ST8SIA6: variants seen among roughly 807,000 people sequenced by gnomAD.
The protein encoded by ST8SIA6 is ST8 alpha-N-acetyl-neuraminide alpha-2,8-sialyltransferase 6, also known as alpha-2,8-sialyltransferase 8F.
In ST8SIA6, 39 loss-of-function variants were observed where a neutral mutation model predicts 33.6. The ratio of observed to expected loss-of-function variants is 1.16; its 90% CI spans 0.90 to 1.52. The LOEUF is 1.52. ST8SIA6 is among the 40% of genes most tolerant of loss of function. The pLI is 0.00. For missense variants in ST8SIA6, 441 were observed against 443.8 expected, an observed-to-expected ratio of 0.99 and a Z score of 0.06; for synonymous variants, 172 against 167.2, an observed-to-expected ratio of 1.03 and a Z score of -0.22.
At position 17,320,775 on chromosome 10, in the gene ST8SIA6, G is replaced by A. The variant is rs1847915145; in HGVS notation, c.*103C>T. 3.2e-6 allele frequency: 4 copies of A among 1,248,508 alleles called. No homozygotes were observed. Among genetic ancestry groups the A allele is most frequent in the Non-Finnish European group, 4.5e-6 (4 of 898,202 alleles). The allele number at this position is 1,248,508 out of a possible 1,614,324, so 77.3% of individuals were successfully genotyped here. On this transcript the variant is annotated 3_prime_UTR_variant, in exon 8 of 8. Transcript: ENST00000377602. ...AGCTTTGGTCAAACCAAATTTTGGG[G>A]CTCATCTCAAAATACTCTTTAGCCA...
At chr10:17,362,927 A>C (rs1849439876) in intron 3 of ST8SIA6, among the ~76,000 whole-genome samples, 1 of 151,844 alleles carries the variant, frequency 6.6e-6, no homozygotes, top group Non-Finnish European at 1.5e-5. Context: ...GGTCAGGCTG[A>C]TCTCGAACTC....
chr10:17,437,166 C>T (rs1452845260), intron 2 of ST8SIA6, among the ~76,000 whole-genome samples: 4 of 151,956 alleles, frequency 2.6e-5, no homozygotes, highest in African/African-American at 7.3e-5. Context: ...ATACGTATTT[C>T]ACATATATTT....
intron 3 of ST8SIA6, among the ~76,000 whole-genome samples, chr10:17,364,698 T>G (rs7083353): frequency 0.2 from 31,054 of 152,052 alleles, 3,505 homozygotes; most frequent in East Asian, 0.5. Flanking sequence ...CCAAAAATCA[T>G]TTGAGGAGGA....
At chr10:17,375,721 A>G (rs1247284871) in intron 3 of ST8SIA6, among the ~76,000 whole-genome samples, 1 of 152,224 alleles carries the variant, frequency 6.6e-6, no homozygotes, top group East Asian at 1.9e-4. Context: ...AAGTGAGCCC[A>G]CCATGCATGC....
At chr10:17,389,769 A>G (rs938182541) in intron 3 of ST8SIA6, among the ~76,000 whole-genome samples, 1 of 152,174 alleles carries the variant, frequency 6.6e-6, no homozygotes, top group African/African-American at 2.4e-5. Flanking sequence ...TGTTCTCAAA[A>G]GGATTGGGGG....
chr10:17,406,061 T>A (rs1189033941), intron 2 of ST8SIA6, among the ~76,000 whole-genome samples: 3 of 152,136 alleles, frequency 2.0e-5, no homozygotes, highest in African/African-American at 4.8e-5. Context: ...TAATCAGTAT[T>A]CAGCAGTATT....
chr10:17,434,288 C>T (rs1358791958), intron 2 of ST8SIA6, among the ~76,000 whole-genome samples: 2 of 152,144 alleles, frequency 1.3e-5, no homozygotes, highest in Non-Finnish European at 2.9e-5. Flanking sequence ...ACGTGCTTTG[C>T]TACAAACACT....
At chr10:17,326,942 T>A in intron 6 of ST8SIA6, 72 bp downstream of exon 6, 1 of 1,073,136 alleles carries the variant, frequency 9.3e-7, no homozygotes, top group Non-Finnish European at 1.3e-6. Flanking sequence ...ACAATGGATA[T>A]CTTTACACTA....
At chr10:17,375,662 A>G (rs937591620) in intron 3 of ST8SIA6, among the ~76,000 whole-genome samples, 2 of 152,208 alleles carry the variant, frequency 1.3e-5, no homozygotes, top group African/African-American at 4.8e-5. Flanking sequence ...GATGTTCCAA[A>G]TCTTGATTCT....
chr10:17,425,450 C>T (rs1016206015), intron 2 of ST8SIA6, among the ~76,000 whole-genome samples: 1 of 151,988 alleles, frequency 6.6e-6, no homozygotes, highest in African/African-American at 2.4e-5. Context: ...GCCTGTAATC[C>T]CAGCTACTTG....
At chr10:17,410,457 T>C (rs558890094) in intron 2 of ST8SIA6, 1 of 152,300 alleles carries the variant, frequency 6.6e-6, no homozygotes, top group African/African-American at 2.4e-5. Context: ...TTTTTTTTTC[T>C]ATAACCCACG....
At chr10:17,331,097 T>G (rs1848285062) in intron 5 of ST8SIA6, among the ~76,000 whole-genome samples, 1 of 152,102 alleles carries the variant, frequency 6.6e-6, no homozygotes, top group African/African-American at 2.4e-5. Context: ...TTATTTGAGA[T>G]GAAAAATGGC....
rs1186868962 is a variant in ST8SIA6, at chr10:17,388,032, A to C, written c.290+2499T>G. Among the ~76,000 whole-genome samples, 3 of 152,162 alleles carry C rather than the reference A, an allele frequency of 2.0e-5. No homozygotes were observed. In the East Asian group the frequency reaches 5.8e-4, roughly 29 times the overall value. ...ACATAATTTCTGGTTATGTCAACAGACTCAGACAAAGCAGAGACAGGCTTG... is the reference window on the plus strand; with the variant it reads ...ACATAATTTCTGGTTATGTCAACAGCCTCAGACAAAGCAGAGACAGGCTTG... On this transcript the variant is annotated intron_variant, in intron 3 of 7. Transcript: ENST00000377602.
At chr10:17,361,463 A>G (rs956160344) in intron 3 of ST8SIA6, among the ~76,000 whole-genome samples, 4 of 151,918 alleles carry the variant, frequency 2.6e-5, no homozygotes, top group Admixed American at 2.0e-4. Flanking sequence ...AATAACATAA[A>G]TAGTCCTATA....
At chr10:17,383,332 C>A (rs566888555) in intron 3 of ST8SIA6, among the ~76,000 whole-genome samples, 47 of 152,118 alleles carry the variant, frequency 3.1e-4, no homozygotes, top group African/African-American at 1.1e-3. Flanking sequence ...CATAATTTGG[C>A]TTATTTGGTA....
intron 2 of ST8SIA6, chr10:17,409,579 A>G (rs1322914920): frequency 2.0e-5 from 3 of 152,138 alleles, no homozygotes; most frequent in Admixed American, 6.6e-5. Context: ...CCAAAAAAAA[A>G]AAGTGAACCT....
chr10:17,333,709 A>AT (rs1848397864), intron 4 of ST8SIA6, among the ~76,000 whole-genome samples: 4 of 26,086 alleles, frequency 1.5e-4, no homozygotes, highest in African/African-American at 7.1e-4. Flanking sequence ...ATATATATAT[A>AT]TATATATATT....
At chr10:17,395,647 C>T (rs1335102067) in intron 2 of ST8SIA6, among the ~76,000 whole-genome samples, 8 of 152,152 alleles carry the variant, frequency 5.3e-5, no homozygotes, top group Non-Finnish European at 7.3e-5. Flanking sequence ...CTTTGGGAGG[C>T]CAAGGCGGGC....
intron 1 of ST8SIA6, 66 bp from the exon 2 acceptor site, chr10:17,453,723 G>C: frequency 8.4e-7 from 1 of 1,191,052 alleles, no homozygotes; most frequent in Non-Finnish European, 1.1e-6. Context: ...GAAAGGCTGG[G>C]AGTCGCGCTC....
Sources: allele counts gnomAD v4.1 joint callset (sites outside exome capture counted in the v4.1 genomes callset), GRCh38; gene constraint gnomAD v4.1.1; transcripts MANE v1.5; gene names NCBI Gene and HGNC (gene_info 2026-07-23, HGNC 2026-07-21).